Variants in PTPRD observed in about 807,000 individuals in gnomAD.
The protein encoded by PTPRD is protein tyrosine phosphatase receptor type D.
Under a neutral mutation model 214.5 loss-of-function variants are expected in PTPRD, and 34 were observed. The observed-to-expected ratio is 0.16, with a 90% CI of 0.12 to 0.21. PTPRD has a LOEUF of 0.21. Ranked by LOEUF, PTPRD falls within the 10% of genes least tolerant of loss-of-function variation. The pLI, the probability that PTPRD is intolerant of heterozygous loss-of-function variation, is 1.00. For synonymous variants in PTPRD, 1,128 were observed against 845.7 expected, an observed-to-expected ratio of 1.33 and a Z score of -5.79; for missense variants, 2,545 against 2,398.7, an observed-to-expected ratio of 1.06 and a Z score of -1.27.
chr9:9,957,159 T>C (rs1486686792), intron 4 of PTPRD, among the ~76,000 whole-genome samples: 1 of 152,214 alleles, frequency 6.6e-6, no homozygotes, highest in African/African-American at 2.4e-5. Context: ...CCCATTTATA[T>C]GTATGTATAT....
chr9:10,156,512 G>T (rs2154282803), intron 3 of PTPRD, among the ~76,000 whole-genome samples: 1 of 152,068 alleles, frequency 6.6e-6, no homozygotes, highest in East Asian at 1.9e-4. Context: ...AGTTGTTATG[G>T]GTTCATTTAT....
At chr9:8,657,542 A>G (rs527870218) in intron 12 of PTPRD, among the ~76,000 whole-genome samples, 22 of 152,254 alleles carry the variant, frequency 1.4e-4, no homozygotes, top group Non-Finnish European at 2.9e-4. Context: ...GATATTAGAT[A>G]TCTGTCAGAT....
At chr9:10,421,300 C>T (rs1199352346) in intron 2 of PTPRD, among the ~76,000 whole-genome samples, 1 of 151,766 alleles carries the variant, frequency 6.6e-6, no homozygotes, top group Non-Finnish European at 1.5e-5. Context: ...TTTTCTTGCT[C>T]ACCCCCACAC....
At chr9:10,314,598 A>G (rs752821717) in intron 3 of PTPRD, among the ~76,000 whole-genome samples, 1 of 151,890 alleles carries the variant, frequency 6.6e-6, no homozygotes, top group African/African-American at 2.4e-5. Flanking sequence ...GCTGAAATAC[A>G]TATTTGATAG....
intron 2 of PTPRD, among the ~76,000 whole-genome samples, chr9:10,395,336 G>A (rs1432137163): frequency 6.6e-6 from 1 of 150,620 alleles, no homozygotes; most frequent in African/African-American, 2.4e-5. Context: ...TCACCTATGA[G>A]TGAGAACATG....
chr9:9,339,955 T>C (rs2046129599), intron 9 of PTPRD, among the ~76,000 whole-genome samples: 1 of 152,208 alleles, frequency 6.6e-6, no homozygotes, highest in South Asian at 2.1e-4. Flanking sequence ...GGAAGCCTTT[T>C]ATCATTCAGC....
intron 7 of PTPRD, among the ~76,000 whole-genome samples, chr9:9,577,548 G>C (rs1277418656): frequency 6.6e-6 from 1 of 151,958 alleles, no homozygotes; most frequent in Non-Finnish European, 1.5e-5. Flanking sequence ...GGGGGACAAA[G>C]TAAGACCTTG....
At chr9:8,460,661 A>C in intron 32 of PTPRD, 90 bp from the exon 33 acceptor site, 14 of 1,288,430 alleles carry the variant, frequency 1.1e-5, no homozygotes, top group African/African-American at 1.5e-5. Context: ...AATCCAGGAA[A>C]TAGTGGATTT....
chr9:9,384,430 C>T (rs565617141), intron 9 of PTPRD, among the ~76,000 whole-genome samples: 1 of 117,620 alleles, frequency 8.5e-6, no homozygotes, highest in Admixed American at 1.2e-4. Flanking sequence ...AATGTAGAAA[C>T]ATCATTTTTG....
At chr9:9,556,923 GA>G (rs1482420552) in intron 8 of PTPRD, among the ~76,000 whole-genome samples, 1 of 152,112 alleles carries the variant, frequency 6.6e-6, no homozygotes, top group East Asian at 1.9e-4. Context: ...TTCTACTGTA[GA>G]AAAGAGTAAA....
intron 11 of PTPRD, among the ~76,000 whole-genome samples, chr9:8,758,173 T>C (rs1321644142): frequency 1.3e-5 from 2 of 152,162 alleles, no homozygotes. Flanking sequence ...TTCTGTCCAT[T>C]ATCATTAAAA....
At chr9:9,785,476 C>G (rs2098915880) in intron 5 of PTPRD, among the ~76,000 whole-genome samples, 1 of 151,876 alleles carries the variant, frequency 6.6e-6, no homozygotes, top group Non-Finnish European at 1.5e-5. Flanking sequence ...TCTTTATGCC[C>G]AAAATTCAGA....
rs535432404 is a variant in PTPRD at position 9,778,023 on chromosome 9, T to C, written c.-367-11172A>G. ...AGCTGTGATTCCTCAAGAAAGGCAG[T>C]GATAGAGAGGGGAGACAAGATGGCT... On this transcript the variant is annotated intron_variant, in intron 5 of 45. Coordinates refer to ENST00000381196, the MANE Select transcript of PTPRD (RefSeq NM_002839.4). Among the ~76,000 whole-genome samples, 11 of 152,078 alleles carry C rather than the reference T, an allele frequency of 7.2e-5. 1 individual carries two copies. The highest frequency in any genetic ancestry group is 3.3e-4 in the Admixed American group (5 of 15,268).
intron 9 of PTPRD, among the ~76,000 whole-genome samples, chr9:9,396,653 G>C (rs1227454434): frequency 6.6e-6 from 1 of 151,920 alleles, no homozygotes; most frequent in Non-Finnish European, 1.5e-5. Context: ...TCTAGTCTGA[G>C]GGAAGGGGGA....
At position 9,538,513 on chromosome 9, in the gene PTPRD, C is replaced by T. The variant is rs138837117; in HGVS notation, c.-237+36219G>A. 1.8e-3 allele frequency among the ~76,000 whole-genome samples: 278 copies of T among 151,970 alleles called. 1 individual carries two copies. Among genetic ancestry groups the T allele is most frequent in the African/African-American group, 6.2e-3 (259 of 41,510 alleles). On this transcript the variant is annotated intron_variant, in intron 8 of 45. Transcript: ENST00000381196. Reference sequence around the variant, plus strand: ...CTGTCGTCTTTAAAATGGCATGAGTCAGTCTGCCATCCTTTGATTGATCAA... The same window carrying T: ...CTGTCGTCTTTAAAATGGCATGAGTTAGTCTGCCATCCTTTGATTGATCAA...
chr9:9,018,161 C>T lies in PTPRD; in HGVS notation c.-104+536G>A, dbSNP rs138761205. 1.1e-3 allele frequency among the ~76,000 whole-genome samples: 169 copies of T among 152,144 alleles called. 1 individual carries two copies. In the East Asian group the frequency reaches 0.026, roughly 24 times the overall value. On this transcript the variant is annotated intron_variant, in intron 11 of 45. Transcript: ENST00000381196. ...TTCCCAATCCATTAACTGAAGATTC[C>T]CTCATAACCATCCCAACACATCTCA... is the stretch of plus-strand genomic sequence containing the variant.
intron 14 of PTPRD, among the ~76,000 whole-genome samples, chr9:8,581,630 C>T (rs2093115447): frequency 6.6e-6 from 1 of 152,078 alleles, no homozygotes; most frequent in African/African-American, 2.4e-5. Flanking sequence ...TGCCTGTAGT[C>T]CCAGCTACTT....
chr9:10,357,762 A>T (rs776288312), intron 2 of PTPRD, among the ~76,000 whole-genome samples: 1 of 152,220 alleles, frequency 6.6e-6, no homozygotes, highest in Non-Finnish European at 1.5e-5. Context: ...ACGACTATGC[A>T]TAAAGTGCCG....
chr9:8,815,831 C>T (rs778570449), intron 11 of PTPRD, among the ~76,000 whole-genome samples: 5 of 151,982 alleles, frequency 3.3e-5, no homozygotes, highest in Admixed American at 1.3e-4. Context: ...TGCAAACATG[C>T]GGCTGATTAG....
Sources: gnomAD v4.1 joint callset for allele counts (sites outside exome capture counted in the v4.1 genomes callset) on GRCh38, gnomAD v4.1.1 for gene constraint, MANE v1.5 for transcripts, NCBI Gene and HGNC (gene_info 2026-07-23, HGNC 2026-07-21) for gene names.